DCLK1: variants seen among roughly 807,000 people sequenced by gnomAD.
The protein encoded by DCLK1 is doublecortin like kinase 1.
A neutral mutation model predicts 86.2 loss-of-function variants in DCLK1; 16 were observed. The observed-to-expected ratio is 0.19, with a 90% confidence interval of 0.13 to 0.28. DCLK1 has a LOEUF of 0.28. Ranked by LOEUF, DCLK1 falls within the 10% of genes least tolerant of loss-of-function variation. The pLI is 1.00. For missense variants in DCLK1, 590 were observed against 940.2 expected, an observed-to-expected ratio of 0.63 and a Z score of 4.87; for synonymous variants, 369 against 370.5, an observed-to-expected ratio of 1.00 and a Z score of 0.05.
At chr13:36,039,687 C>T (rs751767871) in intron 3 of DCLK1, among the ~76,000 whole-genome samples, 7 of 151,036 alleles carry the variant, frequency 4.6e-5, no homozygotes, top group Non-Finnish European at 1.0e-4. Context: ...CAAAACTAAG[C>T]GACAAGGTAA....
intron 4 of DCLK1, among the ~76,000 whole-genome samples, chr13:35,898,830 C>T (rs1210832388): frequency 1.3e-5 from 2 of 152,098 alleles, no homozygotes; most frequent in East Asian, 3.9e-4. Context: ...CAACCTTTGC[C>T]TCCTGGGCTC....
chr13:35,929,854 A>ATTT (rs142138377), intron 4 of DCLK1, among the ~76,000 whole-genome samples: 2 of 88,054 alleles, frequency 2.3e-5, no homozygotes, highest in East Asian at 3.5e-4. Flanking sequence ...CCACACAATC[A>ATTT]TTTTTTTTCT....
chr13:35,813,730 C>CTTTTT (rs35366486), intron 11 of DCLK1, among the ~76,000 whole-genome samples: 3 of 105,436 alleles, frequency 2.8e-5, no homozygotes, highest in East Asian at 2.8e-4. Flanking sequence ...CCCCGCCCCG[C>CTTTTT]TTTTTTTTTT....
At chr13:36,000,530 A>T (rs998226644) in intron 3 of DCLK1, among the ~76,000 whole-genome samples, 17 of 151,962 alleles carry the variant, frequency 1.1e-4, no homozygotes, top group African/African-American at 4.1e-4. Context: ...CTAAAATAAT[A>T]TTATTAAATA....
chr13:36,019,167 C>A (rs1214541730), intron 3 of DCLK1, among the ~76,000 whole-genome samples: 1 of 152,164 alleles, frequency 6.6e-6, no homozygotes, highest in African/African-American at 2.4e-5. Context: ...TTTTCTCCAA[C>A]ATTTTAATTA....
intron 4 of DCLK1, among the ~76,000 whole-genome samples, chr13:35,904,004 T>C (rs79510493): frequency 0.057 from 8,626 of 152,224 alleles, 272 homozygotes; most frequent in South Asian, 0.12. Context: ...CAGGGTCTTA[T>C]ATGTTTATGG....
At chr13:35,915,755 A>AT (rs968076162) in intron 4 of DCLK1, among the ~76,000 whole-genome samples, 8 of 152,126 alleles carry the variant, frequency 5.3e-5, no homozygotes, top group Admixed American at 2.0e-4. Context: ...CTGAATAATA[A>AT]TTTTTTTTAA....
intron 15 of DCLK1, among the ~76,000 whole-genome samples, chr13:35,802,582 C>A (rs947537614): frequency 6.6e-6 from 1 of 151,948 alleles, no homozygotes; most frequent in Non-Finnish European, 1.5e-5. Context: ...CCTAAAAGAT[C>A]AACTTTTCCA....
At chr13:36,126,509 C>T (rs1379072774) in intron 1 of DCLK1, among the ~76,000 whole-genome samples, 1 of 152,052 alleles carries the variant, frequency 6.6e-6, no homozygotes, top group Non-Finnish European at 1.5e-5. Flanking sequence ...AGTGATCCTC[C>T]CCCGCCCCCC....
At chr13:36,121,988 AC>A (rs1886009551) in intron 2 of DCLK1, among the ~76,000 whole-genome samples, 1 of 152,196 alleles carries the variant, frequency 6.6e-6, no homozygotes, top group Non-Finnish European at 1.5e-5. Flanking sequence ...AGAAAAAGAA[AC>A]TAGTAAAGTG....
At chr13:36,119,101 G>A (rs980520803) in intron 2 of DCLK1, among the ~76,000 whole-genome samples, 1 of 152,124 alleles carries the variant, frequency 6.6e-6, no homozygotes, top group Admixed American at 6.5e-5. Context: ...TGGAACATGA[G>A]AGAAAGAATG....
chr13:35,901,364 C>T (rs1371122595), intron 4 of DCLK1, among the ~76,000 whole-genome samples: 2 of 151,742 alleles, frequency 1.3e-5, no homozygotes, highest in Non-Finnish European at 2.9e-5. Context: ...GTGGCAGGTG[C>T]CTGTAGTCCC....
At chr13:35,801,134 C>T (rs936259965) in intron 15 of DCLK1, among the ~76,000 whole-genome samples, 6 of 152,322 alleles carry the variant, frequency 3.9e-5, no homozygotes, top group South Asian at 2.1e-4. Flanking sequence ...AACGTCCTTA[C>T]GGTTCACATA....
At chr13:36,023,829 A>G (rs1228652152) in intron 3 of DCLK1, among the ~76,000 whole-genome samples, 1 of 151,986 alleles carries the variant, frequency 6.6e-6, no homozygotes, top group Non-Finnish European at 1.5e-5. Flanking sequence ...TAATACAGAA[A>G]TACTGAAAGC....
At chr13:35,781,131 G>A (rs538624383) in intron 16 of DCLK1, among the ~76,000 whole-genome samples, 1 of 152,228 alleles carries the variant, frequency 6.6e-6, no homozygotes, top group South Asian at 2.1e-4. Context: ...AGGAAGGTCA[G>A]GAATAATCAA....
chr13:35,923,820 T>TG (rs1249213519), intron 4 of DCLK1, among the ~76,000 whole-genome samples: 2 of 152,116 alleles, frequency 1.3e-5, no homozygotes, highest in Non-Finnish European at 2.9e-5. Context: ...GAAGAAACCC[T>TG]GGGGGTCTGT....
intron 3 of DCLK1, among the ~76,000 whole-genome samples, chr13:35,993,050 G>C (rs905927613): frequency 1.1e-4 from 16 of 152,154 alleles, no homozygotes; most frequent in African/African-American, 3.9e-4. Flanking sequence ...TGTTTCTGCA[G>C]CCTTGCCTGC....
intron 3 of DCLK1, among the ~76,000 whole-genome samples, chr13:36,041,517 C>A (rs1267974985): frequency 6.6e-6 from 1 of 152,178 alleles, no homozygotes; most frequent in African/African-American, 2.4e-5. Flanking sequence ...ACCTCCACCC[C>A]CTTGAGTGAG....
At chr13:35,843,679 C>T (rs1198607632) in intron 6 of DCLK1, among the ~76,000 whole-genome samples, 2 of 152,188 alleles carry the variant, frequency 1.3e-5, no homozygotes, top group Admixed American at 6.5e-5. Context: ...AATCTCACCA[C>T]ACAACTTTAG....
Sources: gnomAD v4.1 joint callset for allele counts (sites outside exome capture counted in the v4.1 genomes callset) on GRCh38, gnomAD v4.1.1 for gene constraint, MANE v1.5 for transcripts, NCBI Gene and HGNC (gene_info 2026-07-23, HGNC 2026-07-21) for gene names.